Variants in ATG10 observed in about 807,000 individuals in gnomAD.
ATG10 encodes the protein autophagy related 10, also known as ubiquitin-like-conjugating enzyme ATG10.
Under a neutral mutation model 32.1 loss-of-function variants are expected in ATG10, and 30 were observed. The observed-to-expected ratio is 0.94, with a 90% CI of 0.70 to 1.27. ATG10 has a LOEUF of 1.27. Ranked by LOEUF, ATG10 falls within the 50% of genes most tolerant of loss-of-function variation. ATG10 has a pLI of 0.00. For synonymous variants in ATG10, 87 were observed against 91.5 expected (o/e 0.95, Z 0.28); for missense variants, 233 against 262.3 (o/e 0.89, Z 0.77).
chr5:82,193,967 T>C (rs1744759480), intron 5 of ATG10, among the ~76,000 whole-genome samples: 2 of 152,228 alleles, frequency 1.3e-5, no homozygotes, highest in Non-Finnish European at 2.9e-5. Flanking sequence ...GTTTTCCCTA[T>C]TTATCAAGGC....
chr5:81,974,520 T>C (rs1018369681), intron 1 of ATG10, among the ~76,000 whole-genome samples: 1 of 152,204 alleles, frequency 6.6e-6, no homozygotes, highest in African/African-American at 2.4e-5. Context: ...AGAAAACCTT[T>C]TTATCATCTC....
intron 3 of ATG10, among the ~76,000 whole-genome samples, chr5:82,089,355 G>C (rs1421309593): frequency 6.7e-6 from 1 of 148,404 alleles, no homozygotes; most frequent in Non-Finnish European, 1.5e-5. Flanking sequence ...AAAAAAAAAA[G>C]ATTGCATGGT....
chr5:81,983,835 C>T (rs1013181450), intron 1 of ATG10, among the ~76,000 whole-genome samples: 1 of 151,894 alleles, frequency 6.6e-6, no homozygotes, highest in South Asian at 2.1e-4. Flanking sequence ...GGGTCGTGGC[C>T]AGGCAGAGAC....
chr5:81,992,693 C>T (rs531846226), intron 2 of ATG10, among the ~76,000 whole-genome samples: 21 of 152,214 alleles, frequency 1.4e-4, no homozygotes, highest in Admixed American at 2.6e-4. Context: ...TGTGAGCCAC[C>T]GAGCCTGGCC....
chr5:82,202,394 CT>C (rs1237350455), intron 5 of ATG10, among the ~76,000 whole-genome samples: 1 of 152,156 alleles, frequency 6.6e-6, no homozygotes, highest in Non-Finnish European at 1.5e-5. Context: ...CTGCTAGCGT[CT>C]TTTGGACTCT....
At chr5:82,001,862 G>A (rs1349603611) in intron 2 of ATG10, among the ~76,000 whole-genome samples, 1 of 152,122 alleles carries the variant, frequency 6.6e-6, no homozygotes, top group African/African-American at 2.4e-5. Flanking sequence ...CTACAGAATG[G>A]GAGAAAATGT....
intron 1 of ATG10, 50 bp from the exon 2 acceptor site, chr5:81,987,509 T>G: frequency 7.7e-7 from 1 of 1,299,896 alleles, no homozygotes; most frequent in Non-Finnish European, 1.1e-6. Flanking sequence ...GCAGAATTCC[T>G]TTCAATATAA....
chr5:81,982,440 TC>T (rs1161071579), intron 1 of ATG10, among the ~76,000 whole-genome samples: 3 of 152,108 alleles, frequency 2.0e-5, no homozygotes, highest in African/African-American at 4.8e-5. Flanking sequence ...CCTGGGCGAT[TC>T]CGTCTCCAAA....
intron 2 of ATG10, among the ~76,000 whole-genome samples, chr5:81,991,105 C>A (rs1342581047): frequency 6.6e-6 from 1 of 152,210 alleles, no homozygotes; most frequent in Non-Finnish European, 1.5e-5. Flanking sequence ...CTAGGCAAAG[C>A]AGATTCCTGT....
At chr5:82,192,876 A>G (rs1744713744) in intron 5 of ATG10, among the ~76,000 whole-genome samples, 1 of 152,220 alleles carries the variant, frequency 6.6e-6, no homozygotes, top group South Asian at 2.1e-4. Flanking sequence ...CTGACATAGT[A>G]TACTTAGTAC....
intron 3 of ATG10, among the ~76,000 whole-genome samples, chr5:82,105,035 T>C (rs1054374480): frequency 2.0e-5 from 3 of 152,130 alleles, no homozygotes; most frequent in Admixed American, 6.6e-5. Flanking sequence ...ACAATGTCAG[T>C]GTTTGATGTT....
chr5:82,026,531 A>G (rs1366047856), intron 2 of ATG10, among the ~76,000 whole-genome samples: 1 of 152,004 alleles, frequency 6.6e-6, no homozygotes, highest in Non-Finnish European at 1.5e-5. Flanking sequence ...TGCTTTTATT[A>G]CCACTTTCTG....
intron 2 of ATG10, among the ~76,000 whole-genome samples, chr5:82,008,753 G>T (rs1273768414): frequency 6.6e-6 from 1 of 152,176 alleles, no homozygotes; most frequent in Non-Finnish European, 1.5e-5. Context: ...AGATGGAATG[G>T]AATGGAGCTG....
intron 4 of ATG10, among the ~76,000 whole-genome samples, chr5:82,178,029 C>A (rs1337135256): frequency 6.6e-6 from 1 of 151,998 alleles, no homozygotes; most frequent in African/African-American, 2.4e-5. Context: ...CTCCATGGTA[C>A]CTGATGGAGT....
At chr5:82,171,066 G>A (rs1034466469) in intron 4 of ATG10, among the ~76,000 whole-genome samples, 1 of 152,184 alleles carries the variant, frequency 6.6e-6, no homozygotes, top group Non-Finnish European at 1.5e-5. Flanking sequence ...GATGTCTCAG[G>A]TATCTTGTGG....
At chr5:81,984,002 G>T (rs542952970) in intron 1 of ATG10, among the ~76,000 whole-genome samples, 6 of 152,084 alleles carry the variant, frequency 3.9e-5, no homozygotes, top group Non-Finnish European at 7.4e-5. Context: ...GGGCAGAGAC[G>T]CTCCTCACTT....
At chr5:82,108,648 TC>T (rs1765512557) in intron 3 of ATG10, among the ~76,000 whole-genome samples, 1 of 152,064 alleles carries the variant, frequency 6.6e-6, no homozygotes, top group Non-Finnish European at 1.5e-5. Context: ...AGCCTGATAT[TC>T]TTTTTATCAT....
intron 2 of ATG10, among the ~76,000 whole-genome samples, chr5:82,042,556 C>G (rs776693897): frequency 6.6e-6 from 1 of 152,090 alleles, no homozygotes; most frequent in Non-Finnish European, 1.5e-5. Flanking sequence ...GTCCAGAGTC[C>G]AAAGTCTCAT....
In ATG10 at chr5:82,022,907, A is replaced by G. The variant is rs200751375; in HGVS notation, c.108+35229A>G. 4.3e-4 allele frequency among the ~76,000 whole-genome samples: 66 copies of G among 151,982 alleles called. No individual in the cohort carries two copies. The East Asian group carries it at 0.011, about 25-fold the overall frequency. On this transcript the variant is annotated intron_variant, in intron 2 of 7. Coordinates refer to ENST00000282185, the MANE Select transcript of ATG10 (RefSeq NM_031482.5). ...CTAACCTATAGTTTAATATTTGAAT[A>G]TTCATTAACTAAGTTAGAAGCTGAA... is the stretch of plus-strand genomic sequence containing the variant.
Sources: allele counts gnomAD v4.1 joint callset (sites outside exome capture counted in the v4.1 genomes callset), GRCh38; gene constraint gnomAD v4.1.1; transcripts MANE v1.5; gene names NCBI Gene and HGNC (gene_info 2026-07-23, HGNC 2026-07-21).